CHUK: variants seen among roughly 807,000 people sequenced by gnomAD.
CHUK encodes the protein component of inhibitor of nuclear factor kappa B kinase complex.
A neutral mutation model predicts 104.8 loss-of-function variants in CHUK; 35 were observed. The ratio of observed to expected loss-of-function variants is 0.33; its 90% confidence interval spans 0.26 to 0.44. The LOEUF (loss-of-function observed/expected upper bound fraction) is 0.44. Among genes scored for constraint, CHUK ranks in the 20% least tolerant of loss-of-function variants. CHUK has a pLI of 1.00. For missense variants in CHUK, 663 were observed against 902.7 expected (o/e 0.73, Z 3.40); for synonymous variants, 276 against 291.9 (o/e 0.95, Z 0.56).
At chr10:100,213,500 A>C (rs910577245) in intron 9 of CHUK, among the ~76,000 whole-genome samples, 2,029 of 152,052 alleles carry the variant, frequency 0.013, 50 homozygotes, top group African/African-American at 0.047. Flanking sequence ...AAAAAAAAAA[A>C]AAATTAAAAG....
chr10:100,226,821 C>A (rs1158031024), intron 1 of CHUK, among the ~76,000 whole-genome samples: 1 of 152,130 alleles, frequency 6.6e-6, no homozygotes, highest in Non-Finnish European at 1.5e-5. Context: ...GAGAGAAGAG[C>A]CCAGGGGCCA....
downstream of CHUK, chr10:100,187,233 GAGACAGACTGTTGGCA>G (rs1384669663): frequency 6.6e-6 from 1 of 152,276 alleles, no homozygotes; most frequent in Non-Finnish European, 1.5e-5. Flanking sequence ...GCTGAAAGTG[GAGACAGACTGTTGGCA>G]AGGAAGTCAA....
chr10:100,222,200 C>G lies in CHUK; in HGVS notation c.316-19G>C, dbSNP rs764738867. 1 of 1,501,232 alleles carries G rather than the reference C, an allele frequency of 6.7e-7. No homozygotes were observed. The highest frequency in any genetic ancestry group is 1.1e-5 in the South Asian group (1 of 88,502). 93.0% of individuals were successfully genotyped at this position (1,501,232 alleles called of 1,614,324 possible). A position where few individuals can be genotyped will look rare whatever the true frequency, so the allele number is the denominator to read the frequency against. ...TGAGCAGCTAAAAAAAGAAAGAAAT[C>G]TAAAAATCTGTTCTGCAAATTGCTG... On this transcript the variant is annotated intron_variant, in intron 3 of 20. Transcript: ENST00000370397.
intron 16 of CHUK, 143 bp downstream of exon 16, chr10:100,199,828 T>G: frequency 1.4e-6 from 1 of 702,000 alleles, no homozygotes; most frequent in East Asian, 2.5e-5. Flanking sequence ...TATTATACCA[T>G]GTCTCAATGG....
At chr10:100,229,001 A>G (rs867426577) in intron 1 of CHUK, among the ~76,000 whole-genome samples, 4,153 of 146,810 alleles carry the variant, frequency 0.028, 59 homozygotes, top group East Asian at 0.079. Context: ...GCGCACACAC[A>G]CACACACACA....
chr10:100,220,100 T>C (rs919391517), intron 5 of CHUK, among the ~76,000 whole-genome samples: 2 of 152,220 alleles, frequency 1.3e-5, no homozygotes, highest in Non-Finnish European at 1.5e-5. Context: ...ATTCACAATT[T>C]CTGGTTCTTC....
intron 20 of CHUK, 34 bp downstream of exon 20, chr10:100,190,835 C>T (rs758004308): frequency 1.3e-5 from 16 of 1,252,160 alleles, no homozygotes; most frequent in Non-Finnish European, 1.5e-5. Flanking sequence ...CCCAACATAG[C>T]CAAAGCAGGC....
At chr10:100,200,447 T>C (rs1441025975) in intron 15 of CHUK, among the ~76,000 whole-genome samples, 2 of 152,172 alleles carry the variant, frequency 1.3e-5, no homozygotes, top group African/African-American at 4.8e-5. Context: ...AACACTCCTA[T>C]GAAATAAATG....
At chr10:100,196,900 C>T (rs960250672) in intron 16 of CHUK, among the ~76,000 whole-genome samples, 1 of 152,188 alleles carries the variant, frequency 6.6e-6, no homozygotes, top group Non-Finnish European at 1.5e-5. Context: ...TCTGTATCCA[C>T]ACTCATTCTC....
rs1845140968 is a variant in CHUK at position 100,189,326 on chromosome 10, T to C, written c.*272A>G. 2.3e-6 allele frequency: 1 copy of C among 432,530 alleles called. No individual in the cohort carries two copies. Among genetic ancestry groups the C allele is most frequent in the Admixed American group, 3.7e-5 (1 of 27,110 alleles). 26.8% of individuals were successfully genotyped at this position (432,530 alleles called of 1,614,324 possible). ...AAGACTGAAGGCAAATGTGTCGTGA[T>C]GATGCTTCTAAATAGCTGTGGTATT... On this transcript the variant is annotated 3_prime_UTR_variant, in exon 21 of 21. Transcript: ENST00000370397.
chr10:100,200,124 G>A, intron 15 of CHUK, 104 bp from the exon 16 acceptor site: 1 of 880,676 alleles, frequency 1.1e-6, no homozygotes, highest in Non-Finnish European at 1.9e-6. Context: ...CCATTTTAAA[G>A]CAAGTTCATA....
rs911415830 is a variant in CHUK, at chr10:100,218,906, T to C, written c.690-81A>G. 58 of 1,524,724 alleles carry C rather than the reference T, an allele frequency of 3.8e-5. 1 individual carries two copies. Among genetic ancestry groups the C allele is most frequent in the Non-Finnish European group, 5.2e-5 (57 of 1,102,390 alleles). 94.4% of individuals were successfully genotyped at this position (1,524,724 alleles called of 1,614,324 possible). A position where few individuals can be genotyped will look rare whatever the true frequency, so the allele number is the denominator to read the frequency against. On this transcript the variant is annotated intron_variant, in intron 7 of 20. Transcript: ENST00000370397. ...CTTGCCATTTAATTATATTTAATTG[T>C]ATATTTCAAAGGCAATTAAACAATT...
chr10:100,209,815 A>AGTTATTG (rs771627235), intron 9 of CHUK, 26 bp from the exon 10 acceptor site: 2 of 1,031,298 alleles, frequency 1.9e-6, no homozygotes, highest in East Asian at 4.8e-5. Flanking sequence ...AAAAAGGTAA[A>AGTTATTG]GTTATTGATT....
chr10:100,189,834 C>CTT (rs34571703), intron 20 of CHUK, among the ~76,000 whole-genome samples: 9 of 139,130 alleles, frequency 6.5e-5, no homozygotes, highest in Non-Finnish European at 7.8e-5. Context: ...CTTTTCTTTT[C>CTT]TTTTTTTTTT....
At position 100,189,562 on chromosome 10, in the gene CHUK, C is replaced by T. The variant is rs373441702; in HGVS notation, c.*36G>A. ...ACATTTCCAACATGTATAGCAACAA[C>T]TTCCATAGGTTTGGGGACAGTGAAC... On this transcript the variant is annotated 3_prime_UTR_variant, in exon 21 of 21. Coordinates refer to ENST00000370397, the MANE Select transcript of CHUK (RefSeq NM_001278.5). 20 of 1,578,022 alleles carry T rather than the reference C, an allele frequency of 1.3e-5. No individual in the cohort carries two copies. The South Asian group carries it at 2.2e-4, about 17-fold the overall frequency.
At chr10:100,203,053 G>A (rs1242298790) in intron 13 of CHUK, among the ~76,000 whole-genome samples, 1 of 151,908 alleles carries the variant, frequency 6.6e-6, no homozygotes, top group Non-Finnish European at 1.5e-5. Flanking sequence ...GTCACCACCT[G>A]GCCAGAAAAG....
chr10:100,205,465 T>C (rs925695334), intron 11 of CHUK, among the ~76,000 whole-genome samples: 3 of 152,232 alleles, frequency 2.0e-5, no homozygotes, highest in Admixed American at 2.0e-4. Flanking sequence ...CTTGAGATTA[T>C]TCCTGTATCT....
chr10:100,225,457 T>G (rs17880185), intron 2 of CHUK, among the ~76,000 whole-genome samples: 1 of 152,342 alleles, frequency 6.6e-6, no homozygotes, highest in African/African-American at 2.4e-5. Flanking sequence ...TGCATGATAT[T>G]CCGTTTCATG....
At chr10:100,202,489 A>C (rs1845492984) in intron 13 of CHUK, among the ~76,000 whole-genome samples, 1 of 152,220 alleles carries the variant, frequency 6.6e-6, no homozygotes, top group South Asian at 2.1e-4. Context: ...CTGTAAGCCA[A>C]GGAATGCCAA....
Sources: allele counts gnomAD v4.1 joint callset (sites outside exome capture counted in the v4.1 genomes callset), GRCh38; gene constraint gnomAD v4.1.1; transcripts MANE v1.5; gene names NCBI Gene and HGNC (gene_info 2026-07-23, HGNC 2026-07-21).